RAP1A: variants seen among roughly 807,000 people sequenced by gnomAD.
The protein encoded by RAP1A is ras-related protein Rap-1A.
Under a neutral mutation model 26.4 loss-of-function variants are expected in RAP1A, and 6 were observed. The ratio of observed to expected loss-of-function variants is 0.23; its 90% CI spans 0.12 to 0.45. The LOEUF (loss-of-function observed/expected upper bound fraction) is 0.45, where lower values mean the gene tolerates loss of function less well. Ranked by LOEUF, RAP1A falls within the 20% of genes least tolerant of loss-of-function variation. The pLI is 0.99. For missense variants in RAP1A, 121 were observed against 217.2 expected (o/e 0.56, Z 2.78); for synonymous variants, 73 against 79.4 (o/e 0.92, Z 0.43).
At chr1:111,570,843 T>TG (rs1409243553) in intron 1 of RAP1A, among the ~76,000 whole-genome samples, 8 of 152,328 alleles carry the variant, frequency 5.3e-5, no homozygotes, top group African/African-American at 1.9e-4. Flanking sequence ...AAGCCATTCA[T>TG]GAGGGAGCCA....
chr1:111,641,238 T>A (rs1167305495), intron 1 of RAP1A, among the ~76,000 whole-genome samples: 2 of 152,224 alleles, frequency 1.3e-5, no homozygotes, highest in African/African-American at 2.4e-5. Flanking sequence ...TATTAGCATG[T>A]TAGCAAATAA....
In RAP1A at chr1:111,703,330, T is replaced by C. The variant is rs1376889564; in HGVS notation, c.184-6T>C. 1 of 1,525,382 alleles carries C rather than the reference T, an allele frequency of 6.6e-7. No homozygotes were observed. The allele number at this position is 1,525,382 out of a possible 1,614,324, so 94.5% of individuals were successfully genotyped here. A position where few individuals can be genotyped will look rare whatever the true frequency, so the allele number is the denominator to read the frequency against. ...TATTTATAATTGCATATTTTTTAAA[T>C]CATAGGAGCAATTTACAGCAATGAG... On this transcript the variant is annotated splice_region_variant and splice_polypyrimidine_tract_variant and intron_variant, in intron 4 of 7. Transcript: ENST00000369709.
At chr1:111,634,143 T>A (rs1249762210) in intron 1 of RAP1A, among the ~76,000 whole-genome samples, 2 of 152,228 alleles carry the variant, frequency 1.3e-5, no homozygotes, top group African/African-American at 4.8e-5. Context: ...TTTTTAATAG[T>A]GCAAAGAAAT....
intron 1 of RAP1A, among the ~76,000 whole-genome samples, chr1:111,632,347 T>G (rs780561463): frequency 3.3e-5 from 5 of 152,066 alleles, no homozygotes; most frequent in Non-Finnish European, 7.4e-5. Flanking sequence ...AATTCTAAGT[T>G]TAGTATTCTT....
intron 7 of RAP1A, among the ~76,000 whole-genome samples, chr1:111,710,098 C>G (rs1662330058): frequency 6.6e-6 from 1 of 152,174 alleles, no homozygotes; most frequent in Admixed American, 6.5e-5. Flanking sequence ...TTTACACACC[C>G]TGCAACGGTT....
chr1:111,577,643 A>G (rs184253072), intron 1 of RAP1A, among the ~76,000 whole-genome samples: 1 of 152,208 alleles, frequency 6.6e-6, no homozygotes, highest in African/African-American at 2.4e-5. Flanking sequence ...GAGGTTTGCT[A>G]GCTGTTTCAC....
At chr1:111,615,825 G>C (rs993114660), upstream of RAP1A, among the ~76,000 whole-genome samples, 1 of 111,020 alleles carries the variant, frequency 9.0e-6, no homozygotes, top group Non-Finnish European at 1.8e-5. Flanking sequence ...GTGAGACTCT[G>C]TCTCAAAAAA....
intron 1 of RAP1A, among the ~76,000 whole-genome samples, chr1:111,575,656 C>A (rs1658133688): frequency 6.6e-6 from 1 of 152,054 alleles, no homozygotes; most frequent in Admixed American, 6.5e-5. Context: ...CACGTGCACA[C>A]AGAGAAAGAC....
chr1:111,664,813 A>C (rs1232172988), intron 1 of RAP1A, among the ~76,000 whole-genome samples: 1 of 152,228 alleles, frequency 6.6e-6, no homozygotes, highest in Non-Finnish European at 1.5e-5. Context: ...TGGGGATATT[A>C]CTAGTATCTG....
At chr1:111,684,492 C>G (rs1339664620) in intron 1 of RAP1A, among the ~76,000 whole-genome samples, 1 of 151,650 alleles carries the variant, frequency 6.6e-6, no homozygotes, top group Non-Finnish European at 1.5e-5. Context: ...CATTCCTATA[C>G]ACTAATAACA....
chr1:111,592,976 G>C (rs563709047), intron 1 of RAP1A, among the ~76,000 whole-genome samples: 28 of 152,256 alleles, frequency 1.8e-4, no homozygotes, highest in South Asian at 8.3e-4. Context: ...GGGTGTGTTG[G>C]GGGGTAAATA....
chr1:111,674,913 G>C (rs2101191838), intron 1 of RAP1A, among the ~76,000 whole-genome samples: 1 of 152,070 alleles, frequency 6.6e-6, no homozygotes, highest in East Asian at 1.9e-4. Context: ...AGTCCATCTT[G>C]CATACTGTCA....
At chr1:111,566,591 T>A (rs1657923592) in intron 1 of RAP1A, among the ~76,000 whole-genome samples, 1 of 152,234 alleles carries the variant, frequency 6.6e-6, no homozygotes, top group South Asian at 2.1e-4. Context: ...GCATCTTGTT[T>A]GTCTTTGATT....
At chr1:111,634,517 TTTA>T (rs146357544) in intron 1 of RAP1A, among the ~76,000 whole-genome samples, 6,570 of 150,286 alleles carry the variant, frequency 0.044, 285 homozygotes, top group African/African-American at 0.11. Flanking sequence ...TTATAGATAT[TTTA>T]TTATATGTTA....
chr1:111,654,110 G>A (rs1660373714), intron 1 of RAP1A, among the ~76,000 whole-genome samples: 2 of 152,240 alleles, frequency 1.3e-5, no homozygotes, highest in Admixed American at 6.5e-5. Context: ...CTAGTCTCAG[G>A]CAAGAATTTT....
intron 2 of RAP1A, among the ~76,000 whole-genome samples, chr1:111,694,670 C>G (rs1661774091): frequency 6.6e-6 from 1 of 152,112 alleles, no homozygotes; most frequent in Non-Finnish European, 1.5e-5. Flanking sequence ...TCTCAGCTGG[C>G]AAATAGGAAG....
intron 1 of RAP1A, among the ~76,000 whole-genome samples, chr1:111,557,598 A>G (rs1409256787): frequency 6.6e-6 from 1 of 152,078 alleles, no homozygotes; most frequent in Non-Finnish European, 1.5e-5. Context: ...AATTTTGGAT[A>G]ATTAAAAATT....
At chr1:111,615,528 A>C (rs1481647360), upstream of RAP1A, among the ~76,000 whole-genome samples, 1 of 152,144 alleles carries the variant, frequency 6.6e-6, no homozygotes, top group South Asian at 2.1e-4. Flanking sequence ...CTTTAATTAA[A>C]ATTAAATAGG....
At chr1:111,657,112 A>G (rs1285870034) in intron 1 of RAP1A, among the ~76,000 whole-genome samples, 1 of 152,110 alleles carries the variant, frequency 6.6e-6, no homozygotes, top group Non-Finnish European at 1.5e-5. Flanking sequence ...TCAAAATTGC[A>G]AACTTCTGTG....
Sources: allele counts gnomAD v4.1 joint callset (sites outside exome capture counted in the v4.1 genomes callset), GRCh38; gene constraint gnomAD v4.1.1; transcripts MANE v1.5; gene names NCBI Gene and HGNC (gene_info 2026-07-23, HGNC 2026-07-21).